Variants in FAM221A observed in about 807,000 individuals in gnomAD.
FAM221A encodes the protein family with sequence similarity 221 member A.
FAM221A carries 43 observed loss-of-function variants against 37.6 expected under a neutral mutation model. The observed-to-expected ratio is 1.15, with a 90% confidence interval of 0.90 to 1.48. The LOEUF (loss-of-function observed/expected upper bound fraction) is 1.48. Ranked by LOEUF, FAM221A falls within the 40% of genes most tolerant of loss-of-function variation. FAM221A has a pLI of 0.00. For missense variants in FAM221A, 361 were observed against 361.5 expected (o/e 1.00, Z 0.01); for synonymous variants, 135 against 132.9 (o/e 1.02, Z -0.11).
intron 1 of FAM221A, 110 bp from the exon 2 acceptor site, chr7:23,684,389 T>C: frequency 1.2e-6 from 1 of 866,594 alleles, no homozygotes; most frequent in Non-Finnish European, 1.7e-6. Context: ...AAAAGACAGA[T>C]TTACAAAATA....
At chr7:23,697,711 A>C (rs1343748621) in intron 4 of FAM221A, among the ~76,000 whole-genome samples, 1 of 151,278 alleles carries the variant, frequency 6.6e-6, no homozygotes, top group Non-Finnish European at 1.5e-5. Flanking sequence ...AGAAATGTGC[A>C]GAAGAATACT....
In FAM221A at chr7:23,698,256, A is replaced by G. The variant is rs1436967030; in HGVS notation, c.702A>G (p.Ala234=). ...ITAVDSPFLK[A]FQASSSSSPE... ...CAGTAGACAGCCCATTCCTAAAAGC[A>G]TTTCAAGCATCATCTAGTTCTTCTC... The change falls in exon 5 of 7, where the codon GCA becomes GCG. Residue 234 remains alanine (A), a synonymous_variant. Coordinates refer to ENST00000344962, the MANE Select transcript of FAM221A (RefSeq NM_199136.5). The G allele has an allele frequency of 6.3e-7, 1 of 1,597,148 alleles. No individual in the cohort carries two copies. The highest frequency in any genetic ancestry group is 1.1e-5 in the South Asian group (1 of 88,058).
At chr7:23,692,344 T>TA in intron 4 of FAM221A, 1 of 492,024 alleles carries the variant, frequency 2.0e-6, no homozygotes, top group Non-Finnish European at 2.6e-6. Flanking sequence ...TCTTTTCTTT[T>TA]CTTTTTTTTT....
chr7:23,700,543 A>G (rs189174967), intron 5 of FAM221A, among the ~76,000 whole-genome samples: 4 of 152,326 alleles, frequency 2.6e-5, no homozygotes, highest in South Asian at 4.1e-4. Context: ...GAATAGCTAT[A>G]TGGTGCTATT....
chr7:23,702,673 T>A (rs1452092301), downstream of FAM221A: 3 of 152,372 alleles, frequency 2.0e-5, no homozygotes, highest in Admixed American at 1.3e-4. Flanking sequence ...ATTACTGATT[T>A]TTTTTTTCAA....
At chr7:23,698,082 G>T in intron 4 of FAM221A, 110 bp from the exon 5 acceptor site, 1 of 669,672 alleles carries the variant, frequency 1.5e-6, no homozygotes, top group Non-Finnish European at 2.5e-6. Flanking sequence ...TTTATAGAAA[G>T]AATTTCTAAT....
In FAM221A at chr7:23,691,427, T is replaced by C. The variant is rs914041468; in HGVS notation, c.468T>C (p.Cys156=). 1.9e-6 allele frequency: 3 copies of C among 1,614,076 alleles called. No individual in the cohort carries two copies. In the African/African-American group the frequency reaches 4.0e-5, roughly 22 times the overall value. ...CAGGATTCCATAGCTGCTTCACTTG[T>C]GCTTGTGGTCAGCCTGCATATGCCC... ...KCSGFHSCFT[C]ACGQPAYAHD... The change falls in exon 4 of 7, where the codon TGT becomes TGC. Residue 156 remains cysteine, a synonymous_variant. Transcript: ENST00000344962.
intron 6 of FAM221A, among the ~76,000 whole-genome samples, chr7:23,701,471 C>T (rs1785453014): frequency 6.6e-6 from 1 of 152,040 alleles, no homozygotes; most frequent in African/African-American, 2.4e-5. Flanking sequence ...GATCTCCTGA[C>T]CTCGTGATCC....
At chr7:23,681,634 C>T (rs1200114087) in intron 1 of FAM221A, among the ~76,000 whole-genome samples, 1 of 152,198 alleles carries the variant, frequency 6.6e-6, no homozygotes, top group Admixed American at 6.5e-5. Flanking sequence ...TCTTGAACTC[C>T]TGGACTCAAG....
At chr7:23,683,787 G>C (rs1436998864) in intron 1 of FAM221A, among the ~76,000 whole-genome samples, 1 of 152,126 alleles carries the variant, frequency 6.6e-6, no homozygotes, top group Admixed American at 6.5e-5. Context: ...GCCTATTCTC[G>C]TGGCCCAGTA....
intron 4 of FAM221A, among the ~76,000 whole-genome samples, chr7:23,691,973 G>A (rs188115384): frequency 9.9e-5 from 15 of 152,132 alleles, no homozygotes; most frequent in Admixed American, 9.8e-4. Context: ...TTACTCTACT[G>A]TATGTAACTT....
intron 1 of FAM221A, among the ~76,000 whole-genome samples, chr7:23,682,393 GTGTGTA>G (rs1165715232): frequency 2.1e-5 from 3 of 141,968 alleles, no homozygotes; most frequent in African/African-American, 7.8e-5. Flanking sequence ...GTGTGTGTGT[GTGTGTA>G]TGTATATATA....
At chr7:23,681,923 T>A (rs370513134) in intron 1 of FAM221A, among the ~76,000 whole-genome samples, 11 of 152,142 alleles carry the variant, frequency 7.2e-5, no homozygotes, top group African/African-American at 2.7e-4. Context: ...TTTCCTGGAT[T>A]TGCTCTTGCC....
chr7:23,699,623 AC>A (rs1414439253), intron 5 of FAM221A, among the ~76,000 whole-genome samples: 1 of 134,916 alleles, frequency 7.4e-6, no homozygotes, highest in Non-Finnish European at 1.5e-5. Flanking sequence ...GCTTACTGCA[AC>A]CTCCACCTAC....
In FAM221A at chr7:23,680,367, G is replaced by C; in HGVS notation, c.65+84G>C. ...CTGGGGGCGCGAGCAGGGGCCCGGC[G>C]GGCGTCCGCGGGGGTTCCCGGAATC... On this transcript the variant is annotated intron_variant, in intron 1 of 6. Coordinates refer to ENST00000344962, the MANE Select transcript of FAM221A (RefSeq NM_199136.5). 5 of 1,090,828 alleles carry C rather than the reference G, an allele frequency of 4.6e-6. No homozygotes were observed. In the South Asian group the frequency reaches 8.0e-5, roughly 17 times the overall value. 67.6% of individuals were successfully genotyped at this position (1,090,828 alleles called of 1,614,324 possible).
At chr7:23,697,157 G>A (rs1026595040) in intron 4 of FAM221A, among the ~76,000 whole-genome samples, 2 of 152,208 alleles carry the variant, frequency 1.3e-5, no homozygotes, top group Non-Finnish European at 2.9e-5. Context: ...CCGCCAGAGG[G>A]CAGCACAAGG....
chr7:23,684,782 A>C, intron 2 of FAM221A, 110 bp downstream of exon 2: 1 of 1,029,038 alleles, frequency 9.7e-7, no homozygotes, highest in Non-Finnish European at 1.4e-6. Flanking sequence ...TGTCCTTTAT[A>C]TAGTAGAGTA....
rs936354019 is a variant in FAM221A, at chr7:23,684,480, A to T, written c.66-19A>T. The T allele has an allele frequency of 6.5e-7, 1 of 1,544,734 alleles. No individual in the cohort carries two copies. The highest frequency in any genetic ancestry group is 1.8e-5 in the Admixed American group (1 of 54,374). ...AATAAATACTCAAAGCTTAAGAGAA[A>T]TATATATTTTTGTTGTAGAATTGTT... On this transcript the variant is annotated intron_variant, in intron 1 of 6. Coordinates refer to ENST00000344962, the MANE Select transcript of FAM221A (RefSeq NM_199136.5).
At chr7:23,688,013 A>G (rs924791381) in intron 2 of FAM221A, 2 of 151,898 alleles carry the variant, frequency 1.3e-5, no homozygotes, top group Non-Finnish European at 2.9e-5. Context: ...TCTTTTTGCT[A>G]AGTTAAAATG....
Sources: allele counts gnomAD v4.1 joint callset (sites outside exome capture counted in the v4.1 genomes callset), GRCh38; gene constraint gnomAD v4.1.1; transcripts MANE v1.5; gene names NCBI Gene and HGNC (gene_info 2026-07-23, HGNC 2026-07-21).